ZNF875: variants seen among roughly 807,000 people sequenced by gnomAD.
ZNF875 encodes HKR1, GLI-Kruppel zinc finger family member.
In ZNF875, 14 loss-of-function variants were observed where a neutral mutation model predicts 11.2. The ratio of observed to expected loss-of-function variants is 1.26; its 90% CI spans 0.83 to 1.96. The LOEUF (loss-of-function observed/expected upper bound fraction) is 1.96, where lower values mean the gene tolerates loss of function less well. Among genes scored for constraint, ZNF875 ranks in the 30% most tolerant of loss-of-function variants. The probability of loss-of-function intolerance (pLI) is 0.00; values close to 1 mark genes in which losing one functional copy is unlikely to be tolerated. For missense variants in ZNF875, 752 were observed against 760.4 expected (o/e 0.99, Z 0.13); for synonymous variants, 301 against 281.1 (o/e 1.07, Z -0.71).
chr19:37,322,323 A>G (rs780053001), intron 2 of ZNF875: 6 of 152,178 alleles, frequency 3.9e-5, no homozygotes, highest in African/African-American at 4.8e-5. Flanking sequence ...TTCTTTGGAT[A>G]TTCTCATAGA....
chr19:37,352,258 C>G (rs2038040042), intron 4 of ZNF875, among the ~76,000 whole-genome samples: 1 of 151,638 alleles, frequency 6.6e-6, no homozygotes, highest in Non-Finnish European at 1.5e-5. Flanking sequence ...CTTTTGTTGC[C>G]CAGGCTGGAG....
chr19:37,342,575 G>A (rs1277458364), intron 2 of ZNF875, among the ~76,000 whole-genome samples: 1 of 151,978 alleles, frequency 6.6e-6, no homozygotes, highest in Non-Finnish European at 1.5e-5. Flanking sequence ...ACCACACCTG[G>A]GTAATTTTGT....
chr19:37,346,022 G>T (rs548279059), intron 2 of ZNF875, among the ~76,000 whole-genome samples: 4 of 152,184 alleles, frequency 2.6e-5, no homozygotes, highest in Non-Finnish European at 5.9e-5. Flanking sequence ...TGCAGATTCT[G>T]TTGTAGACAC....
chr19:37,339,533 G>A (rs1340538380), intron 2 of ZNF875, among the ~76,000 whole-genome samples: 1 of 146,012 alleles, frequency 6.8e-6, no homozygotes, highest in Non-Finnish European at 1.5e-5. Flanking sequence ...TTGGAGATTT[G>A]AACCCTGCCA....
chr19:37,342,164 T>G (rs762968447), intron 2 of ZNF875, among the ~76,000 whole-genome samples: 6 of 152,238 alleles, frequency 3.9e-5, no homozygotes, highest in Non-Finnish European at 8.8e-5. Context: ...CCTTAACACT[T>G]CAGAGGTTCT....
chr19:37,329,514 C>T (rs1278045130), intron 4 of ZNF875, among the ~76,000 whole-genome samples: 3 of 152,110 alleles, frequency 2.0e-5, no homozygotes, highest in Non-Finnish European at 4.4e-5. Flanking sequence ...TGCAGTTTGT[C>T]TCTACTGGGT....
chr19:37,346,626 T>G (rs368304228), intron 2 of ZNF875: 1 of 156,800 alleles, frequency 6.4e-6, no homozygotes, highest in South Asian at 1.9e-4. Flanking sequence ...GTGTGGTGTC[T>G]TCTTCTCCCT....
intron 2 of ZNF875, among the ~76,000 whole-genome samples, chr19:37,336,775 G>T (rs902719432): frequency 6.6e-6 from 1 of 151,372 alleles, no homozygotes; most frequent in African/African-American, 2.4e-5. Flanking sequence ...GGGCATGGTG[G>T]CAAGCGCCTG....
chr19:37,360,119 A>G (rs375569501), intron 4 of ZNF875, among the ~76,000 whole-genome samples: 2 of 152,198 alleles, frequency 1.3e-5, no homozygotes, highest in Non-Finnish European at 2.9e-5. Context: ...TGAGGTGAAA[A>G]TCTAAATTCA....
At chr19:37,329,261 T>C (rs1291504266) in intron 4 of ZNF875, among the ~76,000 whole-genome samples, 1 of 152,192 alleles carries the variant, frequency 6.6e-6, no homozygotes, top group Non-Finnish European at 1.5e-5. Context: ...TTTCAGAGCC[T>C]CGCACCACCC....
chr19:37,336,991 C>G (rs1318843341), intron 2 of ZNF875, among the ~76,000 whole-genome samples: 1 of 152,178 alleles, frequency 6.6e-6, no homozygotes, highest in African/African-American at 2.4e-5. Flanking sequence ...TCGATATAGT[C>G]TGACCTGAAT....
Position 37,335,126 on chromosome 19 carries a change from G to C in ZNF875, c.-56-43G>C. The C allele has an allele frequency of 5.9e-6, 4 of 681,500 alleles. No homozygotes were observed. In the South Asian group the frequency reaches 6.0e-5, roughly 10 times the overall value. 42.2% of individuals were successfully genotyped at this position (681,500 alleles called of 1,614,324 possible). A position where few individuals can be genotyped will look rare whatever the true frequency, so the allele number is the denominator to read the frequency against. Reference sequence around the variant, plus strand: ...GACTGCGCTTCACTTCGTGGGGAGGGTGTTTCCACCTAGGCCACTCTTATT... The same window carrying C: ...GACTGCGCTTCACTTCGTGGGGAGGCTGTTTCCACCTAGGCCACTCTTATT... On this transcript the variant is annotated intron_variant, in intron 1 of 4. Transcript: ENST00000392153.
chr19:37,343,386 C>CAAAAAAAAAAAAAAAAA (rs2036153154), intron 2 of ZNF875, among the ~76,000 whole-genome samples: 1 of 139,966 alleles, frequency 7.1e-6, no homozygotes, highest in African/African-American at 2.7e-5. Context: ...AAAAAAAAAA[C>CAAAAAAAAAAAAAAAAA]CAAACAAACT....
In ZNF875 at chr19:37,362,235, C is replaced by T; in HGVS notation, c.383C>T (p.Pro128Leu). 6.2e-7 allele frequency: 1 copy of T among 1,614,154 alleles called. No individual in the cohort carries two copies. The highest frequency in any genetic ancestry group is 8.5e-7 in the Non-Finnish European group (1 of 1,180,010). Residue 128 changes from proline (P) to leucine (L), a missense_variant, in exon 5 of 5, where the codon CCT becomes CTT. Coordinates refer to ENST00000392153, the MANE Select transcript of ZNF875 (RefSeq NM_001353803.2). ...TTTTCAAGTTTATGGGCAGGAAATC[C>T]TCTCCACCTGGGAAAACACTATCCA... is the stretch of plus-strand genomic sequence containing the variant. ...QLFSSLWAGN[P>L]LHLGKHYPED...
intron 2 of ZNF875, among the ~76,000 whole-genome samples, chr19:37,339,004 A>T (rs1555798791): frequency 2.0e-5 from 3 of 151,824 alleles, no homozygotes; most frequent in African/African-American, 4.8e-5. Context: ...ACATTATGTT[A>T]TTTTTTTTCT....
chr19:37,353,976 C>A (rs2038406297), intron 4 of ZNF875, among the ~76,000 whole-genome samples: 1 of 152,016 alleles, frequency 6.6e-6, no homozygotes, highest in South Asian at 2.1e-4. Context: ...CCCTTTTACT[C>A]TTTCCTCTCA....
chr19:37,357,908 T>A, intron 4 of ZNF875: 1 of 398,458 alleles, frequency 2.5e-6, no homozygotes, highest in Non-Finnish European at 4.4e-6. Flanking sequence ...CTTCCAGTAC[T>A]AAGTTGAATA....
At position 37,362,837 on chromosome 19, in the gene ZNF875, C is replaced by G; in HGVS notation, c.985C>G (p.Gln329Glu). The G allele has an allele frequency of 6.2e-7, 1 of 1,613,980 alleles. No individual in the cohort carries two copies. ...TTGGAAGTCGAACCTCTTTACACAT[C>G]AGCGGACACACTCAGGGCTCAAGCC... ...FTWKSNLFTH[Q>E]RTHSGLKPYV... The change falls in exon 5 of 5, where the codon CAG becomes GAG. Residue 329 changes from glutamine to glutamate, a missense_variant. Transcript: ENST00000392153.
At chr19:37,320,740 T>G (rs1192355984) in intron 1 of ZNF875, among the ~76,000 whole-genome samples, 1 of 152,110 alleles carries the variant, frequency 6.6e-6, no homozygotes, top group Non-Finnish European at 1.5e-5. Context: ...TGGGACTGAG[T>G]CCCTACATGT....
Sources: allele counts gnomAD v4.1 joint callset (sites outside exome capture counted in the v4.1 genomes callset), GRCh38; gene constraint gnomAD v4.1.1; transcripts MANE v1.5; gene names NCBI Gene and HGNC (gene_info 2026-07-23, HGNC 2026-07-21).